Variants in RORA observed in about 807,000 individuals in gnomAD.
RORA encodes the protein RAR related orphan receptor A.
Under a neutral mutation model 69.5 loss-of-function variants are expected in RORA, and 7 were observed. The observed-to-expected ratio is 0.10, with a 90% CI of 0.06 to 0.19. RORA has a LOEUF of 0.19. Ranked by LOEUF, RORA falls within the 10% of genes least tolerant of loss-of-function variation. The probability of loss-of-function intolerance (pLI) is 1.00; values close to 1 mark genes in which losing one functional copy is unlikely to be tolerated. For synonymous variants in RORA, 261 were observed against 240.8 expected, an observed-to-expected ratio of 1.08 and a Z score of -0.78; for missense variants, 457 against 663.0, an observed-to-expected ratio of 0.69 and a Z score of 3.41.
At chr15:60,714,519 C>T (rs1341082560) in intron 1 of RORA, among the ~76,000 whole-genome samples, 2 of 151,844 alleles carry the variant, frequency 1.3e-5, no homozygotes, top group African/African-American at 4.8e-5. Context: ...CACCTGCCAA[C>T]ACACGTAGCT....
At chr15:60,624,868 C>G (rs989326374) in intron 2 of RORA, among the ~76,000 whole-genome samples, 2 of 152,026 alleles carry the variant, frequency 1.3e-5, no homozygotes, top group Non-Finnish European at 2.9e-5. Context: ...AAATACTGAG[C>G]ATTAGCAACC....
At chr15:60,692,328 T>C (rs990585219) in intron 1 of RORA, among the ~76,000 whole-genome samples, 2 of 152,236 alleles carry the variant, frequency 1.3e-5, no homozygotes, top group African/African-American at 2.4e-5. Context: ...TTTTGGGTCA[T>C]TCTTCCTAAA....
chr15:60,636,954 A>T (rs1567136453), intron 2 of RORA, among the ~76,000 whole-genome samples: 2 of 152,080 alleles, frequency 1.3e-5, no homozygotes, highest in Non-Finnish European at 2.9e-5. Flanking sequence ...ATATGACTAT[A>T]TTATAATTTA....
intron 1 of RORA, among the ~76,000 whole-genome samples, chr15:61,191,111 G>C (rs1223087812): frequency 6.6e-6 from 1 of 152,152 alleles, no homozygotes; most frequent in East Asian, 1.9e-4. Flanking sequence ...CTTTAAAACA[G>C]AAGAGATTTG....
At chr15:61,158,218 A>G (rs917579200) in intron 1 of RORA, among the ~76,000 whole-genome samples, 2 of 152,294 alleles carry the variant, frequency 1.3e-5, no homozygotes, top group Non-Finnish European at 2.9e-5. Context: ...GCTCGAAGTG[A>G]CAGTGTGGAG....
intron 1 of RORA, among the ~76,000 whole-genome samples, chr15:61,165,377 C>T (rs1478905410): frequency 6.6e-6 from 1 of 152,168 alleles, no homozygotes; most frequent in Non-Finnish European, 1.5e-5. Context: ...CTCTTTATTT[C>T]CAGAGCATTT....
chr15:60,678,259 T>C (rs1262592938), intron 2 of RORA: 2 of 158,722 alleles, frequency 1.3e-5, no homozygotes, highest in Non-Finnish European at 2.8e-5. Flanking sequence ...ACGGCCTAAT[T>C]TGTGAACTAG....
chr15:60,999,747 A>AG (rs1382460946), intron 1 of RORA, among the ~76,000 whole-genome samples: 1 of 152,214 alleles, frequency 6.6e-6, no homozygotes, highest in Non-Finnish European at 1.5e-5. Flanking sequence ...CAATAAGGAA[A>AG]GGAAAAGATT....
At chr15:60,794,996 C>A (rs559944821) in intron 1 of RORA, among the ~76,000 whole-genome samples, 1 of 152,086 alleles carries the variant, frequency 6.6e-6, no homozygotes, top group Non-Finnish European at 1.5e-5. Flanking sequence ...TGCTAAAATG[C>A]GACACCCCTT....
chr15:61,172,941 G>T lies in RORA; in HGVS notation c.166+56112C>A, dbSNP rs56731736. Among the ~76,000 whole-genome samples, 1,189 of 152,130 alleles carry T rather than the reference G, an allele frequency of 7.8e-3. 16 individuals carry two copies. Among genetic ancestry groups the T allele is most frequent in the African/African-American group, 0.028 (1,146 of 41,482 alleles). ...AGTTTTTCACCTTCAAGCCTCCTGC[G>T]TTATTACTATTTCCTGAGTTTTGCT... On this transcript the variant is annotated intron_variant, in intron 1 of 10. Coordinates refer to ENST00000335670, the MANE Select transcript of RORA (RefSeq NM_134261.3).
At chr15:60,509,550 G>C (rs1404167555) in intron 5 of RORA, among the ~76,000 whole-genome samples, 1 of 152,212 alleles carries the variant, frequency 6.6e-6, no homozygotes, top group Admixed American at 6.5e-5. Context: ...GGCACGCTTT[G>C]CCTAAGGCCT....
At position 61,201,458 on chromosome 15, in the gene RORA, G is replaced by A. The variant is rs546456744; in HGVS notation, c.166+27595C>T. 2.3e-4 allele frequency among the ~76,000 whole-genome samples: 35 copies of A among 152,324 alleles called. No homozygotes were observed. In the South Asian group the frequency reaches 5.2e-3, roughly 23 times the overall value. ...AACAGGTGAAGATATGAAACAGGAGGAGAGTCTGAAGGTTTCTCTGTAAAC... is the reference window on the plus strand; with the variant it reads ...AACAGGTGAAGATATGAAACAGGAGAAGAGTCTGAAGGTTTCTCTGTAAAC... On this transcript the variant is annotated intron_variant, in intron 1 of 10. Transcript: ENST00000335670.
chr15:60,795,589 A>T (rs2072484831), intron 1 of RORA, among the ~76,000 whole-genome samples: 1 of 152,190 alleles, frequency 6.6e-6, no homozygotes, highest in Admixed American at 6.5e-5. Flanking sequence ...TGAAGGAGGG[A>T]TCTCAAACAG....
intron 1 of RORA, among the ~76,000 whole-genome samples, chr15:60,717,796 C>T (rs374847607): frequency 1.5e-4 from 14 of 91,996 alleles, no homozygotes; most frequent in South Asian, 4.5e-4. Context: ...TTCTTTTTCT[C>T]TTTTTTTTTT....
At chr15:60,832,183 C>T (rs1476017301) in intron 1 of RORA, among the ~76,000 whole-genome samples, 1 of 152,158 alleles carries the variant, frequency 6.6e-6, no homozygotes, top group South Asian at 2.1e-4. Context: ...TGACAAAATT[C>T]TAGAAAATGA....
chr15:60,628,803 C>A (rs138008395), intron 2 of RORA, among the ~76,000 whole-genome samples: 3 of 152,220 alleles, frequency 2.0e-5, no homozygotes, highest in African/African-American at 7.2e-5. Flanking sequence ...ACGGTATGCA[C>A]CCAAATGTCA....
At chr15:60,988,833 C>T (rs1156986253) in intron 1 of RORA, among the ~76,000 whole-genome samples, 1 of 152,202 alleles carries the variant, frequency 6.6e-6, no homozygotes, top group African/African-American at 2.4e-5. Flanking sequence ...CACCCCACTC[C>T]CCATTTCCAC....
chr15:60,743,706 T>C (rs1211788067), intron 1 of RORA, among the ~76,000 whole-genome samples: 2 of 152,232 alleles, frequency 1.3e-5, no homozygotes, highest in Admixed American at 6.5e-5. Flanking sequence ...ATGACTCTGA[T>C]TCTAAGCCCA....
intron 1 of RORA, among the ~76,000 whole-genome samples, chr15:61,170,613 A>T (rs2140892924): frequency 6.6e-6 from 1 of 152,308 alleles, no homozygotes; most frequent in South Asian, 2.1e-4. Context: ...TGCCTGCCAT[A>T]CTTCTCTCAT....
Sources: gnomAD v4.1 joint callset for allele counts (sites outside exome capture counted in the v4.1 genomes callset) on GRCh38, gnomAD v4.1.1 for gene constraint, MANE v1.5 for transcripts, NCBI Gene and HGNC (gene_info 2026-07-23, HGNC 2026-07-21) for gene names.